NCAPD3: variants seen among roughly 807,000 people sequenced by gnomAD.
NCAPD3 encodes the protein condensin-2 complex subunit D3.
In NCAPD3, 105 loss-of-function variants were observed where a neutral mutation model predicts 182.9. The observed-to-expected ratio is 0.57, with a 90% confidence interval of 0.49 to 0.68. The LOEUF (loss-of-function observed/expected upper bound fraction) is 0.68, where lower values mean the gene tolerates loss of function less well. Ranked by LOEUF, NCAPD3 falls within the 30% of genes least tolerant of loss-of-function variation. The pLI, the probability that NCAPD3 is intolerant of heterozygous loss-of-function variation, is 0.00. For synonymous variants in NCAPD3, 815 were observed against 679.9 expected (o/e 1.20, Z -3.09); for missense variants, 1,944 against 1,837.0 (o/e 1.06, Z -1.07).
At chr11:134,182,647 G>A (rs1944321959) in intron 19 of NCAPD3, among the ~76,000 whole-genome samples, 1 of 152,108 alleles carries the variant, frequency 6.6e-6, no homozygotes, top group Admixed American at 6.5e-5. Context: ...TGCTCCTCTT[G>A]TTCTAGACAC....
Position 134,202,671 on chromosome 11 carries a change from G to A in NCAPD3, c.1615+145C>T, listed in dbSNP as rs939162726. 6 of 568,458 alleles carry A rather than the reference G, an allele frequency of 1.1e-5. No homozygotes were observed. The South Asian group carries it at 1.5e-4, about 14-fold the overall frequency. 35.2% of individuals were successfully genotyped at this position (568,458 alleles called of 1,614,324 possible). A position where few individuals can be genotyped will look rare whatever the true frequency, so the allele number is the denominator to read the frequency against. ...GCTGGGATTATGGGATTACAGGCAT[G>A]AGTCACCACGCCCAGCCAGCTGTTT... On this transcript the variant is annotated intron_variant, in intron 13 of 34. Coordinates refer to ENST00000534548, the MANE Select transcript of NCAPD3 (RefSeq NM_015261.3).
intron 16 of NCAPD3, among the ~76,000 whole-genome samples, chr11:134,190,836 T>C (rs1186073613): frequency 1.3e-5 from 2 of 152,342 alleles, no homozygotes; most frequent in East Asian, 3.9e-4. Context: ...TCTGCTCGTC[T>C]CAATATGGCT....
intron 27 of NCAPD3, among the ~76,000 whole-genome samples, chr11:134,164,358 C>G (rs1943693559): frequency 6.6e-6 from 1 of 152,230 alleles, no homozygotes; most frequent in South Asian, 2.1e-4. Context: ...ACACCCGGAG[C>G]ACGTCCTGGC....
At chr11:134,171,267 G>C (rs1565530201) in intron 24 of NCAPD3, among the ~76,000 whole-genome samples, 1 of 152,136 alleles carries the variant, frequency 6.6e-6, no homozygotes, top group Non-Finnish European at 1.5e-5. Flanking sequence ...ACAAAGGGAA[G>C]ACCAGCTAAA....
intron 28 of NCAPD3, among the ~76,000 whole-genome samples, chr11:134,160,549 G>A (rs1011539688): frequency 2.0e-5 from 3 of 152,100 alleles, no homozygotes; most frequent in Non-Finnish European, 4.4e-5. Context: ...TGGCTCTCAG[G>A]GGATTCCAAC....
chr11:134,209,129 A>T lies in NCAPD3; in HGVS notation c.794+16T>A, dbSNP rs1440675211. 1.2e-6 allele frequency: 2 copies of T among 1,608,846 alleles called. No individual in the cohort carries two copies. The highest frequency in any genetic ancestry group is 2.7e-5 in the African/African-American group (2 of 74,618). On this transcript the variant is annotated intron_variant, in intron 6 of 34. Coordinates refer to ENST00000534548, the MANE Select transcript of NCAPD3 (RefSeq NM_015261.3). ...ACTATACTTAAATTGTAGCACTGGAAGATTTAATGGCTCACCTGGCTTGTG... is the reference window on the plus strand; with the variant it reads ...ACTATACTTAAATTGTAGCACTGGATGATTTAATGGCTCACCTGGCTTGTG...
intron 24 of NCAPD3, among the ~76,000 whole-genome samples, chr11:134,172,022 T>C (rs1944017803): frequency 6.6e-6 from 1 of 152,184 alleles, no homozygotes; most frequent in South Asian, 2.1e-4. Context: ...TCAGGAAACC[T>C]ACACATAGCG....
intron 6 of NCAPD3, 92 bp from the exon 7 acceptor site, chr11:134,209,043 T>C: frequency 6.9e-7 from 1 of 1,450,332 alleles, no homozygotes; most frequent in Middle Eastern, 1.8e-4. Flanking sequence ...GAATAAATTC[T>C]ACCTGTGTGC....
chr11:134,169,557 G>A (rs1943956351), intron 24 of NCAPD3, among the ~76,000 whole-genome samples: 1 of 152,158 alleles, frequency 6.6e-6, no homozygotes. Flanking sequence ...TCACAGTTTG[G>A]ATCAGGAGGA....
intron 20 of NCAPD3, among the ~76,000 whole-genome samples, chr11:134,179,319 A>G (rs1376679318): frequency 6.6e-6 from 1 of 152,200 alleles, no homozygotes; most frequent in African/African-American, 2.4e-5. Context: ...AAGTATTTCT[A>G]TAGTCACGTG....
At chr11:134,223,568 G>C in intron 1 of NCAPD3, 1 of 685,302 alleles carries the variant, frequency 1.5e-6, no homozygotes, top group South Asian at 1.5e-5. Flanking sequence ...GAATAGATAG[G>C]TGCACGAAGA....
intron 18 of NCAPD3, 44 bp from the exon 19 acceptor site, chr11:134,184,796 T>C (rs777752847): frequency 7.0e-7 from 1 of 1,433,078 alleles, no homozygotes; most frequent in Admixed American, 1.8e-5. Context: ...TGCTTAAATA[T>C]ATTCAGGTAT....
intron 7 of NCAPD3, among the ~76,000 whole-genome samples, chr11:134,207,718 T>A (rs942592503): frequency 3.3e-5 from 4 of 122,178 alleles, no homozygotes; most frequent in African/African-American, 1.3e-4. Context: ...CACTCCAGCC[T>A]GGTGTCAGAG....
chr11:134,194,063 C>T lies in NCAPD3; in HGVS notation c.1777G>A (p.Val593Met). ...TGGAGGGCCTGCTTCCGGACAGACA[C>T]TGCAGGGTCCCGACACTGGTCCTGC... ...ILQDQCRDPA[V>M]SVRKQALQSL... Residue 593 changes from valine to methionine, a missense_variant, in exon 15 of 35, where the codon GTG becomes ATG. By Grantham distance (21) the Val-to-Met change is conservative. Around this residue, in one of 3 missense-constraint regions of NCAPD3, gnomAD observed 1,803 missense variants for 1,674.6 expected, o/e 1.08. Coordinates refer to ENST00000534548, the MANE Select transcript of NCAPD3 (RefSeq NM_015261.3). The T allele has an allele frequency of 6.2e-7, 1 of 1,614,226 alleles. No homozygotes were observed. The highest frequency in any genetic ancestry group is 1.3e-5 in the African/African-American group (1 of 75,072).
intron 27 of NCAPD3, among the ~76,000 whole-genome samples, chr11:134,167,785 G>A (rs565117020): frequency 7.1e-6 from 1 of 141,822 alleles, no homozygotes; most frequent in East Asian, 2.2e-4. Flanking sequence ...TGAGCTTGGG[G>A]GAGGTGCACA....
At chr11:134,207,741 T>TC (rs1937665552) in intron 7 of NCAPD3, among the ~76,000 whole-genome samples, 2 of 49,996 alleles carry the variant, frequency 4.0e-5, no homozygotes, top group Non-Finnish European at 6.6e-5. Flanking sequence ...AGACTGCGTC[T>TC]CAAAAAAAAA....
intron 19 of NCAPD3, chr11:134,182,987 C>T (rs1205114351): frequency 7.4e-6 from 3 of 405,530 alleles, no homozygotes; most frequent in South Asian, 3.6e-5. Context: ...GTAAGCCCCA[C>T]CCGCTTCCAG....
At position 134,158,260 on chromosome 11, in the gene NCAPD3, T is replaced by G. The variant is rs1005316326; in HGVS notation, c.4034+69A>C. The stretch of plus-strand genomic sequence containing the variant: ...TGACTTTCCTGCCCACGCTTGGGAA[T>G]GGCAGGGACGCCTCTGAGAACATCG... On this transcript the variant is annotated intron_variant, in intron 30 of 34. Transcript: ENST00000534548. The G allele has an allele frequency of 6.9e-6, 11 of 1,583,950 alleles. No homozygotes were observed. The South Asian group carries it at 1.2e-4, about 18-fold the overall frequency.
Position 134,151,710 on chromosome 11 carries a change from G to C in NCAPD3, c.*1234C>G, listed in dbSNP as rs1359348986. The stretch of plus-strand genomic sequence containing the variant: ...GACTTGTACTAACACACCGTAATTT[G>C]GCATTTGTTTAACCTCATTTATAAA... On this transcript the variant is annotated 3_prime_UTR_variant, in exon 35 of 35. Coordinates refer to ENST00000534548, the MANE Select transcript of NCAPD3 (RefSeq NM_015261.3). 1 of 152,128 alleles carries C rather than the reference G, an allele frequency of 6.6e-6. No homozygotes were observed. The highest frequency in any genetic ancestry group is 1.5e-5 in the Non-Finnish European group (1 of 68,034). 9.4% of individuals were successfully genotyped at this position (152,128 alleles called of 1,614,324 possible).
Sources: allele counts gnomAD v4.1 joint callset (sites outside exome capture counted in the v4.1 genomes callset), GRCh38; gene constraint gnomAD v4.1.1; regional missense constraint gnomAD v4.1.1; transcripts MANE v1.5; gene names NCBI Gene and HGNC (gene_info 2026-07-23, HGNC 2026-07-21).